Variants in SORCS1 observed in about 807,000 individuals in gnomAD.
The protein encoded by SORCS1 is VPS10 domain-containing receptor SorCS1.
In SORCS1, 60 loss-of-function variants were observed where a neutral mutation model predicts 146.1. The observed-to-expected ratio is 0.41, with a 90% CI of 0.33 to 0.51. The LOEUF (loss-of-function observed/expected upper bound fraction) is 0.51. Ranked by LOEUF, SORCS1 falls within the 20% of genes least tolerant of loss-of-function variation. The pLI is 0.21. For missense variants in SORCS1, 1,352 were observed against 1,487.6 expected (o/e 0.91, Z 1.50); for synonymous variants, 637 against 584.0 (o/e 1.09, Z -1.31).
chr10:106,954,823 T>C (rs1185298177), intron 2 of SORCS1, among the ~76,000 whole-genome samples: 2 of 152,202 alleles, frequency 1.3e-5, no homozygotes, highest in Non-Finnish European at 2.9e-5. Context: ...ACGTTGGGAC[T>C]ACCCGCCTTC....
intron 1 of SORCS1, among the ~76,000 whole-genome samples, chr10:107,153,092 C>A (rs1210812638): frequency 6.6e-6 from 1 of 151,814 alleles, no homozygotes; most frequent in Non-Finnish European, 1.5e-5. Context: ...CCTTCATTTT[C>A]TCCCTCTCCC....
chr10:106,878,439 A>G (rs1950675275), intron 2 of SORCS1, among the ~76,000 whole-genome samples: 1 of 150,950 alleles, frequency 6.6e-6, no homozygotes, highest in Admixed American at 6.6e-5. Context: ...AAGGGCAGAG[A>G]CCTCATTACT....
At chr10:106,785,676 A>C (rs906294125) in intron 3 of SORCS1, among the ~76,000 whole-genome samples, 5 of 152,140 alleles carry the variant, frequency 3.3e-5, no homozygotes, top group Non-Finnish European at 5.9e-5. Flanking sequence ...AGACCTTGCT[A>C]ATGTATTTGA....
intron 1 of SORCS1, among the ~76,000 whole-genome samples, chr10:107,024,188 AAAAAAG>A (rs1487869567): frequency 6.6e-6 from 1 of 151,968 alleles, no homozygotes; most frequent in African/African-American, 2.4e-5. Context: ...AAAAAAAAAA[AAAAAAG>A]AAGAAGAGAG....
intron 1 of SORCS1, among the ~76,000 whole-genome samples, chr10:106,998,027 T>A (rs1364361188): frequency 6.6e-6 from 1 of 152,228 alleles, no homozygotes; most frequent in African/African-American, 2.4e-5. Flanking sequence ...AAGACCTCAC[T>A]TAAATGCAAC....
chr10:106,809,240 A>C (rs1043746722), intron 3 of SORCS1, among the ~76,000 whole-genome samples: 1 of 152,006 alleles, frequency 6.6e-6, no homozygotes. Context: ...ATAATAATAA[A>C]AAACCTCCCA....
At chr10:106,642,220 G>A (rs1334036181) in intron 18 of SORCS1, among the ~76,000 whole-genome samples, 3 of 152,154 alleles carry the variant, frequency 2.0e-5, no homozygotes, top group Non-Finnish European at 4.4e-5. Context: ...GGAGAAAGTT[G>A]AACCATGAGT....
At chr10:106,835,577 T>C (rs1400337098) in intron 2 of SORCS1, among the ~76,000 whole-genome samples, 1 of 152,206 alleles carries the variant, frequency 6.6e-6, no homozygotes, top group Non-Finnish European at 1.5e-5. Context: ...GAAGGATATG[T>C]GCTAGTAGTT....
chr10:106,710,788 C>G (rs1298701365), intron 6 of SORCS1, among the ~76,000 whole-genome samples: 1 of 152,172 alleles, frequency 6.6e-6, no homozygotes, highest in Non-Finnish European at 1.5e-5. Flanking sequence ...CTCTTCTACT[C>G]TCTCTGTGAT....
chr10:106,999,981 TGGGGTTTCTAG>T (rs140120161), intron 1 of SORCS1, among the ~76,000 whole-genome samples: 5,640 of 151,862 alleles, frequency 0.037, 369 homozygotes, highest in African/African-American at 0.13. Flanking sequence ...AGGGAAAGTT[TGGGGTTTCTAG>T]GGGCAAGCCA....
chr10:107,164,475 G>C lies in SORCS1; in HGVS notation c.52C>G (p.Leu18Val). 7.3e-7 allele frequency: 1 copy of C among 1,363,164 alleles called. No homozygotes were observed. Among genetic ancestry groups the C allele is most frequent in the African/African-American group, 1.5e-5 (1 of 65,118 alleles). The allele number at this position is 1,363,164 out of a possible 1,614,324, so 84.4% of individuals were successfully genotyped here. Residue 18 changes from leucine to valine, a missense_variant, in exon 1 of 26, where the codon CTC becomes GTC. Around this residue, in one of 3 missense-constraint regions of SORCS1, gnomAD observed 490 missense variants for 489.1 expected, o/e 1.00. Coordinates refer to ENST00000263054, the MANE Select transcript of SORCS1 (RefSeq NM_052918.5). The surrounding 1 kb of genome is among the most constrained non-coding windows in gnomAD (Gnocchi z 6.8). ...AGGATCAAGAGCCCCGCGCCGGCGA[G>C]GAGCGCGCTCAGCCGGGCTTGGGAG... is the stretch of plus-strand genomic sequence containing the variant. ...GGSQARLSAL[L>V]AGAGLLILCA...
intron 5 of SORCS1, among the ~76,000 whole-genome samples, chr10:106,760,183 G>T (rs762519697): frequency 6.6e-6 from 1 of 152,012 alleles, no homozygotes; most frequent in African/African-American, 2.4e-5. Flanking sequence ...GATGGCTCAC[G>T]CCTGTAATCC....
chr10:107,116,283 A>G (rs1234963114), intron 1 of SORCS1, among the ~76,000 whole-genome samples: 1 of 152,184 alleles, frequency 6.6e-6, no homozygotes, highest in Non-Finnish European at 1.5e-5. Flanking sequence ...AAGGAAATGA[A>G]ATAAGCATCT....
chr10:106,838,538 A>G (rs972740157), intron 2 of SORCS1, among the ~76,000 whole-genome samples: 1 of 152,182 alleles, frequency 6.6e-6, no homozygotes, highest in Non-Finnish European at 1.5e-5. Context: ...ACCACTTGAC[A>G]TCATAGAGAA....
At chr10:106,878,636 ATATATATATATATT>A (rs1224520231) in intron 2 of SORCS1, among the ~76,000 whole-genome samples, 5 of 136,380 alleles carry the variant, frequency 3.7e-5, no homozygotes, top group African/African-American at 1.3e-4. Flanking sequence ...ATATATATAT[ATATATATATATATT>A]TTATAGCAGC....
intron 1 of SORCS1, among the ~76,000 whole-genome samples, chr10:106,962,187 G>T (rs767675124): frequency 6.6e-6 from 1 of 151,876 alleles, no homozygotes; most frequent in African/African-American, 2.4e-5. Flanking sequence ...ATCACCTGAG[G>T]TCGGGAGTTC....
intron 2 of SORCS1, among the ~76,000 whole-genome samples, chr10:106,856,110 T>G (rs1949777721): frequency 1.3e-5 from 2 of 150,978 alleles, no homozygotes; most frequent in Non-Finnish European, 1.5e-5. Flanking sequence ...CACTACAACC[T>G]CAGCCTCCCT....
At position 106,577,299 on chromosome 10, in the gene SORCS1, A is replaced by G. The variant is rs1399046742; in HGVS notation, c.*121T>C. 1 of 1,609,304 alleles carries G rather than the reference A, an allele frequency of 6.2e-7. No individual in the cohort carries two copies. Among genetic ancestry groups the G allele is most frequent in the Non-Finnish European group, 8.5e-7 (1 of 1,177,740 alleles). On this transcript the variant is annotated 3_prime_UTR_variant, in exon 26 of 26. Transcript: ENST00000263054. ...TGGAAATACTTCCTGGCAAAATAGG[A>G]AACAGAACAACAAAGGAAAGAAAAA...
intron 3 of SORCS1, among the ~76,000 whole-genome samples, chr10:106,807,764 T>C (rs1338280759): frequency 2.6e-5 from 4 of 152,246 alleles, no homozygotes; most frequent in East Asian, 1.9e-4. Context: ...CAACTATGTT[T>C]GGGTCAAAAC....
Sources: allele counts gnomAD v4.1 joint callset (sites outside exome capture counted in the v4.1 genomes callset), GRCh38; gene constraint gnomAD v4.1.1; regional missense constraint gnomAD v4.1.1; non-coding constraint Gnocchi (gnomAD v3.1); transcripts MANE v1.5; gene names NCBI Gene and HGNC (gene_info 2026-07-23, HGNC 2026-07-21).